Variants in DNMBP observed in about 807,000 individuals in gnomAD.
DNMBP encodes dynamin binding protein, also known as dynamin-binding protein.
DNMBP carries 87 observed loss-of-function variants against 150.0 expected under a neutral mutation model. The observed-to-expected ratio is 0.58, with a 90% CI of 0.49 to 0.69. The LOEUF (loss-of-function observed/expected upper bound fraction) is 0.69, where lower values mean the gene tolerates loss of function less well. Ranked by LOEUF, DNMBP falls within the 30% of genes least tolerant of loss-of-function variation. The pLI, the probability that DNMBP is intolerant of heterozygous loss-of-function variation, is 0.00. For missense variants in DNMBP, 1,774 were observed against 1,949.0 expected, an observed-to-expected ratio of 0.91 and a Z score of 1.69; for synonymous variants, 711 against 750.4, an observed-to-expected ratio of 0.95 and a Z score of 0.86.
chr10:99,941,942 C>T (rs1410687779), intron 4 of DNMBP, among the ~76,000 whole-genome samples: 1 of 152,182 alleles, frequency 6.6e-6, no homozygotes, highest in Non-Finnish European at 1.5e-5. Context: ...GGTCTCTCAG[C>T]CTCTGCCCTG....
chr10:99,967,457 C>T (rs974167167), intron 3 of DNMBP, among the ~76,000 whole-genome samples: 1 of 151,880 alleles, frequency 6.6e-6, no homozygotes, highest in African/African-American at 2.4e-5. Context: ...ACCTGGGAGG[C>T]GGAGGTTGCA....
rs201100519 is a variant in DNMBP, at chr10:99,957,227, A to C, written c.269-22T>G. The C allele has an allele frequency of 1.5e-5, 24 of 1,588,816 alleles. No individual in the cohort carries two copies. The East Asian group carries it at 3.4e-4, about 22-fold the overall frequency. On this transcript the variant is annotated intron_variant, in intron 3 of 16. Coordinates refer to ENST00000324109, the MANE Select transcript of DNMBP (RefSeq NM_015221.4). ...TCACCTAAAGAAAAGAGGAGCAGAG[A>C]TGGTGACCTCAGTCATCACCCAGCA...
Position 99,955,521 on chromosome 10 carries a change from T to C in DNMBP, c.1953A>G (p.Ala651=). The C allele has an allele frequency of 1.3e-6, 2 of 1,598,336 alleles. No individual in the cohort carries two copies. Among genetic ancestry groups the C allele is most frequent in the Non-Finnish European group, 1.7e-6 (2 of 1,172,490 alleles). ...GGGATACCGCATTCGTTCTCTGCTG[T>C]GCTGAGGGAGGCAGGGGAGCTGGGC... The part of the protein sequence containing the change: ...PSRPAPLPPS[A]QQRTNAVSPK... The change falls in exon 4 of 17, where the codon GCA becomes GCG. Residue 651 remains alanine (A), a synonymous_variant. Coordinates refer to ENST00000324109, the MANE Select transcript of DNMBP (RefSeq NM_015221.4).
At chr10:99,961,791 T>C (rs2040568412) in intron 3 of DNMBP, among the ~76,000 whole-genome samples, 1 of 149,666 alleles carries the variant, frequency 6.7e-6, no homozygotes, top group Non-Finnish European at 1.5e-5. Flanking sequence ...CTATTCTTAT[T>C]ACCCAAAATA....
At chr10:99,997,076 C>G (rs1259120738) in intron 1 of DNMBP, among the ~76,000 whole-genome samples, 2 of 152,186 alleles carry the variant, frequency 1.3e-5, no homozygotes, top group East Asian at 3.8e-4. Context: ...CAGGCACTAA[C>G]AAAGTCTGGT....
intron 4 of DNMBP, among the ~76,000 whole-genome samples, chr10:99,929,067 C>T (rs926494625): frequency 6.6e-6 from 1 of 151,910 alleles, no homozygotes; most frequent in Non-Finnish European, 1.5e-5. Flanking sequence ...TCTCTTGAGC[C>T]CAGGAGTTTG....
chr10:99,921,247 C>T (rs1331952275), intron 4 of DNMBP, among the ~76,000 whole-genome samples: 2 of 152,206 alleles, frequency 1.3e-5, no homozygotes, highest in Non-Finnish European at 2.9e-5. Flanking sequence ...TTTCTGCTCA[C>T]CTACTGTCTT....
At chr10:99,885,194 A>C (rs1319881638) in intron 14 of DNMBP, among the ~76,000 whole-genome samples, 4 of 152,136 alleles carry the variant, frequency 2.6e-5, no homozygotes, top group East Asian at 1.9e-4. Flanking sequence ...CCAATGAATT[A>C]ATACTGGGTT....
chr10:99,904,952 A>C (rs1310890405), intron 6 of DNMBP, among the ~76,000 whole-genome samples: 1 of 152,154 alleles, frequency 6.6e-6, no homozygotes, highest in Non-Finnish European at 1.5e-5. Flanking sequence ...AAGCTGGTTA[A>C]CTCCAACCAC....
chr10:99,914,217 T>A, intron 4 of DNMBP: 1 of 834,894 alleles, frequency 1.2e-6, no homozygotes. Context: ...AGTACCTGGA[T>A]CAACACCTTC....
intron 3 of DNMBP, among the ~76,000 whole-genome samples, chr10:99,960,718 A>G (rs938010150): frequency 4.6e-5 from 7 of 152,136 alleles, no homozygotes; most frequent in Non-Finnish European, 1.0e-4. Context: ...AGGCAGAAAA[A>G]TGGCTTGAAC....
At chr10:99,916,364 G>A (rs1227683259) in intron 4 of DNMBP, among the ~76,000 whole-genome samples, 1 of 152,238 alleles carries the variant, frequency 6.6e-6, no homozygotes, top group African/African-American at 2.4e-5. Context: ...CCAGGAGGCT[G>A]AGGCAGGAGA....
intron 1 of DNMBP, among the ~76,000 whole-genome samples, chr10:99,974,019 T>C (rs1842914959): frequency 6.6e-6 from 1 of 152,132 alleles, no homozygotes; most frequent in African/African-American, 2.4e-5. Context: ...ATCTATTGAA[T>C]GGCTCATGCC....
chr10:99,911,945 A>C lies in DNMBP; in HGVS notation c.2261-2799T>G, dbSNP rs146482141. Among the ~76,000 whole-genome samples, 248 of 152,368 alleles carry C rather than the reference A, an allele frequency of 1.6e-3. 1 individual carries two copies. The highest frequency in any genetic ancestry group is 5.1e-3 in the African/African-American group (213 of 41,592). ...CTCATTAGTGCCAAGTTGAGAATAGAAACTCATTTTAAATACAAGACTAAA... is the reference window on the plus strand; with the variant it reads ...CTCATTAGTGCCAAGTTGAGAATAGCAACTCATTTTAAATACAAGACTAAA... On this transcript the variant is annotated intron_variant, in intron 4 of 16. Coordinates refer to ENST00000324109, the MANE Select transcript of DNMBP (RefSeq NM_015221.4).
At chr10:99,965,381 C>T (rs117779858) in intron 3 of DNMBP, among the ~76,000 whole-genome samples, 3,053 of 152,116 alleles carry the variant, frequency 0.02, 53 homozygotes, top group Non-Finnish European at 0.033. Context: ...CTATAAATTA[C>T]ACATATATTT....
At chr10:100,005,929 A>C (rs1397249073) in intron 1 of DNMBP, among the ~76,000 whole-genome samples, 1 of 152,220 alleles carries the variant, frequency 6.6e-6, no homozygotes, top group Non-Finnish European at 1.5e-5. Context: ...GAGACATGAG[A>C]TGAATGGGAC....
chr10:99,976,769 G>A (rs1328236918), intron 1 of DNMBP, among the ~76,000 whole-genome samples: 2 of 150,232 alleles, frequency 1.3e-5, no homozygotes, highest in African/African-American at 5.0e-5. Context: ...TAAGGGTGGT[G>A]TCCTAAGTAT....
At chr10:99,914,003 C>A in intron 4 of DNMBP, 1 of 1,506,852 alleles carries the variant, frequency 6.6e-7, no homozygotes, top group Non-Finnish European at 8.9e-7. Context: ...TGAGGGTAAG[C>A]AGGCGGGACA....
chr10:99,880,169 C>T lies in DNMBP; in HGVS notation c.4190G>A (p.Gly1397Glu). 6.2e-7 allele frequency: 1 copy of T among 1,614,074 alleles called. No homozygotes were observed. The highest frequency in any genetic ancestry group is 8.5e-7 in the Non-Finnish European group (1 of 1,180,024). The change falls in exon 16 of 17, where the codon GGG becomes GAG. Residue 1397 changes from glycine (G) to glutamate (E), a missense_variant. Physicochemically the swap from Gly to Glu is moderately conservative, Grantham distance 98. Coordinates refer to ENST00000324109, the MANE Select transcript of DNMBP (RefSeq NM_015221.4). ...ATCTTGAGGCTGCTTCTGGCAAGAC[C>T]CCGAGGTAAAGGATACAGCCATGCT... is the stretch of plus-strand genomic sequence containing the variant. ...PSSMAVSFTS[G>E]SCQKQPQDAS...
Sources: allele counts gnomAD v4.1 joint callset (sites outside exome capture counted in the v4.1 genomes callset), GRCh38; gene constraint gnomAD v4.1.1; transcripts MANE v1.5; gene names NCBI Gene and HGNC (gene_info 2026-07-23, HGNC 2026-07-21).